COX5A: variants seen among roughly 807,000 people sequenced by gnomAD.
The protein encoded by COX5A is cytochrome c oxidase subunit 5A, mitochondrial.
A neutral mutation model predicts 16.1 loss-of-function variants in COX5A; 6 were observed. The observed-to-expected ratio is 0.37, with a 90% CI of 0.20 to 0.73. The LOEUF is 0.73. Among genes scored for constraint, COX5A ranks in the 30% least tolerant of loss-of-function variants. COX5A has a pLI of 0.50. For missense variants in COX5A, 159 were observed against 194.9 expected, an observed-to-expected ratio of 0.82 and a Z score of 1.10; for synonymous variants, 73 against 73.8, an observed-to-expected ratio of 0.99 and a Z score of 0.06.
At chr15:74,932,966 G>A (rs553303410) in intron 1 of COX5A, among the ~76,000 whole-genome samples, 1 of 151,502 alleles carries the variant, frequency 6.6e-6, no homozygotes, top group Non-Finnish European at 1.5e-5. Context: ...AAAGTGCTGG[G>A]ATAACAGGCA....
chr15:74,933,390 C>A (rs1390591283), intron 1 of COX5A, among the ~76,000 whole-genome samples: 2 of 146,674 alleles, frequency 1.4e-5, no homozygotes, highest in African/African-American at 4.9e-5. Flanking sequence ...GCCTGGGCGA[C>A]AGAGCAAGAC....
chr15:74,929,951 C>T (rs1048788082), intron 1 of COX5A, among the ~76,000 whole-genome samples: 2 of 151,358 alleles, frequency 1.3e-5, no homozygotes, highest in African/African-American at 2.4e-5. Context: ...TGGTGGCGGG[C>T]GGCTGTAGTC....
At chr15:74,934,893 T>C (rs2065382210) in intron 1 of COX5A, among the ~76,000 whole-genome samples, 1 of 151,968 alleles carries the variant, frequency 6.6e-6, no homozygotes, top group Non-Finnish European at 1.5e-5. Flanking sequence ...CTGTGAAAAA[T>C]GAGGACATTT....
In COX5A at chr15:74,930,459, C is replaced by A. The variant is rs199929044; in HGVS notation, c.101-1227G>T. On this transcript the variant is annotated intron_variant, in intron 1 of 4. Coordinates refer to ENST00000322347, the MANE Select transcript of COX5A (RefSeq NM_004255.4). ...CAATAAACAACAACAACAAAAAAAA[C>A]CAAAAAAGCAACAAAAAAAAAAAAC... is the stretch of plus-strand genomic sequence containing the variant. Among the ~76,000 whole-genome samples the A allele has an allele frequency of 5.5e-3, 571 of 102,908 alleles. 8 individuals carry two copies. In the East Asian group the frequency reaches 0.11, roughly 20 times the overall value. The allele number at this position is 102,908 out of a possible 152,430, so 67.5% of individuals were successfully genotyped here. A position where few individuals can be genotyped will look rare whatever the true frequency, so the allele number is the denominator to read the frequency against.
chr15:74,929,744 T>C (rs1335459649), intron 1 of COX5A, among the ~76,000 whole-genome samples: 4 of 152,026 alleles, frequency 2.6e-5, no homozygotes, highest in Non-Finnish European at 5.9e-5. Flanking sequence ...AAGATAGCCA[T>C]TGCATTCCAG....
chr15:74,926,694 A>T, intron 3 of COX5A, 72 bp downstream of exon 3: 1 of 1,486,680 alleles, frequency 6.7e-7, no homozygotes, highest in Non-Finnish European at 9.1e-7. Flanking sequence ...ATTCAAAAAT[A>T]CAGAATATTC....
intron 3 of COX5A, among the ~76,000 whole-genome samples, chr15:74,926,037 T>TC (rs1312948416): frequency 7.1e-6 from 1 of 141,464 alleles, no homozygotes; most frequent in Non-Finnish European, 1.5e-5. Flanking sequence ...AGCTAATTTT[T>TC]TTTTTTTTTT....
intron 4 of COX5A, among the ~76,000 whole-genome samples, chr15:74,921,847 A>C (rs1316968922): frequency 1.3e-5 from 2 of 152,220 alleles, no homozygotes; most frequent in African/African-American, 2.4e-5. Flanking sequence ...TATATTATAA[A>C]GATGAGCTAC....
chr15:74,925,870 C>CT lies in COX5A; in HGVS notation c.339+895dup, dbSNP rs961022003. 8.2e-4 allele frequency among the ~76,000 whole-genome samples: 116 copies of CT among 140,610 alleles called. 1 individual carries two copies. The highest frequency in any genetic ancestry group is 5.0e-3 in the South Asian group (22 of 4,364). The allele number at this position is 140,610 out of a possible 152,430, so 92.2% of individuals were successfully genotyped here. On this transcript the variant is annotated intron_variant, in intron 3 of 4. Coordinates refer to ENST00000322347, the MANE Select transcript of COX5A (RefSeq NM_004255.4). ...TATTATTTCCTTGATAAATTCCTTTCTTTTTTTTTTTAGAGACGGAGTTTC... is the reference window on the plus strand; with the variant it reads ...TATTATTTCCTTGATAAATTCCTTTCTTTTTTTTTTTTAGAGACGGAGTTTC...
intron 1 of COX5A, among the ~76,000 whole-genome samples, chr15:74,937,291 T>C (rs2065395348): frequency 6.6e-6 from 1 of 152,172 alleles, no homozygotes; most frequent in African/African-American, 2.4e-5. Context: ...AAGAGTGATA[T>C]TTTTATCATA....
chr15:74,923,560 GA>G, intron 4 of COX5A, 87 bp downstream of exon 4: 1 of 665,326 alleles, frequency 1.5e-6, no homozygotes, highest in Non-Finnish European at 2.6e-6. Context: ...CAAGAACACT[GA>G]AAGGTCTTAC....
Position 74,927,136 on chromosome 15 carries a change from G to GT in COX5A, c.218-250dup, listed in dbSNP as rs1032441257. The stretch of plus-strand genomic sequence containing the variant: ...CGCAGATTGAAGGAAAAAATCCTGA[G>GT]TTTTTTTTTTCCCCTTTGAGAACAA... On this transcript the variant is annotated intron_variant, in intron 2 of 4. Transcript: ENST00000322347. Among the ~76,000 whole-genome samples the GT allele has an allele frequency of 9.7e-3, 1,457 of 149,702 alleles. 20 individuals are homozygous for GT. The highest frequency in any genetic ancestry group is 0.031 in the African/African-American group (1,254 of 40,838).
In COX5A at chr15:74,938,066, C is replaced by A; in HGVS notation, c.-52G>T. On this transcript the variant is annotated 5_prime_UTR_variant, in exon 1 of 5. Transcript: ENST00000322347. The stretch of plus-strand genomic sequence containing the variant: ...GGACAGAGAGAAGCCGGTGTAAGCT[C>A]GCGGGTTGCTCCGGAGCGGGCGGGG... 3.4e-6 allele frequency: 4 copies of A among 1,166,120 alleles called. No homozygotes were observed. The highest frequency in any genetic ancestry group is 4.3e-6 in the Non-Finnish European group (4 of 929,950). 72.2% of individuals were successfully genotyped at this position (1,166,120 alleles called of 1,614,324 possible).
intron 4 of COX5A, among the ~76,000 whole-genome samples, chr15:74,921,175 AG>A (rs2065317984): frequency 6.6e-6 from 1 of 151,858 alleles, no homozygotes; most frequent in South Asian, 2.1e-4. Context: ...TGGGAGGCCG[AG>A]GCAGGCAGAT....
intron 1 of COX5A, among the ~76,000 whole-genome samples, chr15:74,934,711 C>T (rs1214135969): frequency 6.6e-6 from 1 of 152,102 alleles, no homozygotes; most frequent in Non-Finnish European, 1.5e-5. Context: ...CCCCCACATG[C>T]TTAACTTTTT....
chr15:74,923,840 TA>T (rs1346965902), intron 3 of COX5A, 70 bp from the exon 4 acceptor site: 4 of 998,766 alleles, frequency 4.0e-6, no homozygotes, highest in African/African-American at 1.6e-5. Flanking sequence ...GAAATGAACT[TA>T]AAAATGCCTT....
rs764263218 is a variant in COX5A, at chr15:74,926,891, CA to C, written c.218-5del. On this transcript the variant is annotated splice_region_variant and splice_polypyrimidine_tract_variant and intron_variant, in intron 2 of 4. Coordinates refer to ENST00000322347, the MANE Select transcript of COX5A (RefSeq NM_004255.4). The stretch of plus-strand genomic sequence containing the variant: ...TAGGTAACAAGTGTGTTTATCCCTG[CA>C]AAATTAAAAAGAAGGGCCATGTCAA... The C allele has an allele frequency of 6.2e-7, 1 of 1,605,146 alleles. No homozygotes were observed. Among genetic ancestry groups the C allele is most frequent in the Non-Finnish European group, 8.5e-7 (1 of 1,177,228 alleles).
At chr15:74,921,052 C>A (rs1352189213) in intron 4 of COX5A, among the ~76,000 whole-genome samples, 2 of 151,922 alleles carry the variant, frequency 1.3e-5, no homozygotes, top group Non-Finnish European at 2.9e-5. Context: ...TCTTCTGGAC[C>A]CCTTGGAATA....
intron 1 of COX5A, among the ~76,000 whole-genome samples, chr15:74,932,699 C>CTT (rs1345605981): frequency 1.9e-4 from 26 of 140,514 alleles, no homozygotes; most frequent in African/African-American, 3.9e-4. Flanking sequence ...GTTTTAATTT[C>CTT]TTTTTTTTTT....
Sources: allele counts gnomAD v4.1 joint callset (sites outside exome capture counted in the v4.1 genomes callset), GRCh38; gene constraint gnomAD v4.1.1; transcripts MANE v1.5; gene names NCBI Gene and HGNC (gene_info 2026-07-23, HGNC 2026-07-21).